DCP1A: variants seen among roughly 807,000 people sequenced by gnomAD.
DCP1A encodes decapping mRNA 1A, also known as mRNA-decapping enzyme 1A.
A neutral mutation model predicts 58.0 loss-of-function variants in DCP1A; 20 were observed. The observed-to-expected ratio is 0.34, with a 90% CI of 0.24 to 0.50. The LOEUF is 0.50. DCP1A is among the 20% of genes least tolerant of loss of function. DCP1A has a pLI of 0.98. For missense variants in DCP1A, 613 were observed against 712.2 expected, an observed-to-expected ratio of 0.86 and a Z score of 1.59; for synonymous variants, 285 against 275.1, an observed-to-expected ratio of 1.04 and a Z score of -0.36.
intron 3 of DCP1A, among the ~76,000 whole-genome samples, chr3:53,335,105 G>A (rs944822151): frequency 2.7e-5 from 4 of 150,396 alleles, no homozygotes; most frequent in Non-Finnish European, 5.9e-5. Context: ...GTGTGTGTGT[G>A]CACGCGCATG....
chr3:53,330,827 T>TATA (rs1559702238), intron 3 of DCP1A, among the ~76,000 whole-genome samples: 8 of 63,416 alleles, frequency 1.3e-4, no homozygotes, highest in South Asian at 5.1e-4. Context: ...ATATATATAT[T>TATA]TTTTTTTTTT....
intron 3 of DCP1A, among the ~76,000 whole-genome samples, chr3:53,324,588 C>T (rs1553690383): frequency 6.6e-6 from 1 of 152,208 alleles, no homozygotes; most frequent in African/African-American, 2.4e-5. Context: ...TATTGCCTTG[C>T]TATGGCAAAT....
At chr3:53,329,487 T>C in intron 3 of DCP1A, 1 of 397,852 alleles carries the variant, frequency 2.5e-6, no homozygotes, top group Non-Finnish European at 4.4e-6. Flanking sequence ...ATTTAACATT[T>C]TAAATTATAC....
chr3:53,289,192 C>T (rs1183329773), intron 8 of DCP1A, among the ~76,000 whole-genome samples: 1 of 151,252 alleles, frequency 6.6e-6, no homozygotes, highest in African/African-American at 2.4e-5. Flanking sequence ...AACTCCTGGG[C>T]TTAAGTGATC....
At chr3:53,309,992 C>G (rs1407955818) in intron 5 of DCP1A, among the ~76,000 whole-genome samples, 1 of 152,192 alleles carries the variant, frequency 6.6e-6, no homozygotes, top group Admixed American at 6.5e-5. Context: ...ATCCAAACAC[C>G]AAGACCCATG....
chr3:53,324,676 T>C (rs1708062314), intron 3 of DCP1A, among the ~76,000 whole-genome samples: 1 of 152,212 alleles, frequency 6.6e-6, no homozygotes, highest in Admixed American at 6.5e-5. Flanking sequence ...CCACACATTG[T>C]GACTGCTAAC....
intron 3 of DCP1A, among the ~76,000 whole-genome samples, chr3:53,333,424 G>A (rs2089052729): frequency 1.3e-5 from 2 of 151,994 alleles, no homozygotes; most frequent in South Asian, 4.1e-4. Context: ...GATTATAGGC[G>A]TGAGCCACTG....
At chr3:53,304,365 G>T in intron 5 of DCP1A, 75 bp from the exon 6 acceptor site, 1 of 978,052 alleles carries the variant, frequency 1.0e-6, no homozygotes. Context: ...AACAGCATCT[G>T]AGGTTATCAA....
At chr3:53,292,004 T>C in intron 7 of DCP1A, 65 bp downstream of exon 7, 1 of 1,496,046 alleles carries the variant, frequency 6.7e-7, no homozygotes, top group East Asian at 2.3e-5. Flanking sequence ...AACCAAGGTC[T>C]CTGTAGTTTC....
At chr3:53,312,213 C>A in intron 5 of DCP1A, 28 bp downstream of exon 5, 1 of 1,551,274 alleles carries the variant, frequency 6.4e-7, no homozygotes, top group South Asian at 1.2e-5. Flanking sequence ...CTTCCCTGGT[C>A]AGCACCCAAG....
chr3:53,331,670 ACTT>A (rs2089006601), intron 3 of DCP1A, among the ~76,000 whole-genome samples: 1 of 140,068 alleles, frequency 7.1e-6, no homozygotes, highest in African/African-American at 3.3e-5. Context: ...TCATGACTGT[ACTT>A]TATTATTGAT....
chr3:53,344,441 T>C (rs2089266318), intron 2 of DCP1A, among the ~76,000 whole-genome samples: 1 of 152,190 alleles, frequency 6.6e-6, no homozygotes, highest in Admixed American at 6.5e-5. Flanking sequence ...TAAGACACTG[T>C]ACATAATCCA....
chr3:53,313,066 T>C (rs1215911716), intron 4 of DCP1A, among the ~76,000 whole-genome samples: 1 of 151,734 alleles, frequency 6.6e-6, no homozygotes, highest in Non-Finnish European at 1.5e-5. Flanking sequence ...GGCTGCATAG[T>C]TGAACAAATC....
intron 6 of DCP1A, among the ~76,000 whole-genome samples, chr3:53,301,374 C>T (rs1029469498): frequency 4.6e-5 from 7 of 151,826 alleles, no homozygotes; most frequent in East Asian, 3.9e-4. Context: ...CAGGTTCAAG[C>T]GATTCTCGTG....
At chr3:53,290,944 G>A in intron 7 of DCP1A, 88 bp from the exon 8 acceptor site, 1 of 1,182,932 alleles carries the variant, frequency 8.5e-7, no homozygotes, top group Non-Finnish European at 1.2e-6. Flanking sequence ...GACTTTCCCA[G>A]TGGAAAATCT....
intron 8 of DCP1A, among the ~76,000 whole-genome samples, chr3:53,289,225 T>A (rs1706762732): frequency 6.7e-6 from 1 of 150,320 alleles, no homozygotes; most frequent in Non-Finnish European, 1.5e-5. Context: ...CCTCCCAAAG[T>A]GCTGGGGTTA....
At chr3:53,346,526 C>G (rs568077938) in intron 1 of DCP1A, among the ~76,000 whole-genome samples, 1 of 152,248 alleles carries the variant, frequency 6.6e-6, no homozygotes, top group South Asian at 2.1e-4. Flanking sequence ...AAGCCTGTAG[C>G]TGAATGAGTT....
At chr3:53,342,565 C>G (rs776530599) in intron 2 of DCP1A, among the ~76,000 whole-genome samples, 14 of 152,156 alleles carry the variant, frequency 9.2e-5, no homozygotes, top group Non-Finnish European at 1.8e-4. Flanking sequence ...TCTCCAGCTC[C>G]TACTCTCCAG....
rs183755811 is a variant in DCP1A at position 53,298,399 on chromosome 3, G to A, written c.625-5572C>T. Among the ~76,000 whole-genome samples, 597 of 152,298 alleles carry A rather than the reference G, an allele frequency of 3.9e-3. 11 individuals carry two copies. The highest frequency in any genetic ancestry group is 5.7e-4 in the Non-Finnish European group (39 of 68,030). On this transcript the variant is annotated intron_variant, in intron 6 of 9. Coordinates refer to ENST00000610213, the MANE Select transcript of DCP1A (RefSeq NM_018403.7). Reference sequence around the variant, plus strand: ...ATGGGGAGTATGGTAAAGCATTACAGTTTTGGAGGTTTTCTCATATAAGAG... The same window carrying A: ...ATGGGGAGTATGGTAAAGCATTACAATTTTGGAGGTTTTCTCATATAAGAG...
Sources: allele counts gnomAD v4.1 joint callset (sites outside exome capture counted in the v4.1 genomes callset), GRCh38; gene constraint gnomAD v4.1.1; transcripts MANE v1.5; gene names NCBI Gene and HGNC (gene_info 2026-07-23, HGNC 2026-07-21).